Variants in HEATR4 observed in about 807,000 individuals in gnomAD.
HEATR4 encodes HEAT repeat-containing protein 4.
A neutral mutation model predicts 108.8 loss-of-function variants in HEATR4; 95 were observed. The observed-to-expected ratio is 0.87, with a 90% CI of 0.74 to 1.04. The LOEUF (loss-of-function observed/expected upper bound fraction) is 1.04, where lower values mean the gene tolerates loss of function less well. Ranked by LOEUF, HEATR4 falls within the 50% of genes least tolerant of loss-of-function variation. The pLI, the probability that HEATR4 is intolerant of heterozygous loss-of-function variation, is 0.00. For missense variants in HEATR4, 1,152 were observed against 1,253.8 expected, an observed-to-expected ratio of 0.92 and a Z score of 1.23; for synonymous variants, 443 against 459.4, an observed-to-expected ratio of 0.96 and a Z score of 0.46.
chr14:73,513,083 C>T (rs1231774807), intron 6 of HEATR4, among the ~76,000 whole-genome samples: 2 of 152,210 alleles, frequency 1.3e-5, no homozygotes, highest in African/African-American at 2.4e-5. Context: ...CCATAGTCAA[C>T]TATGACATGG....
the HEATR4 span, among the ~76,000 whole-genome samples, chr14:73,597,362 G>T: frequency 6.6e-6 from 1 of 151,972 alleles, no homozygotes; most frequent in Non-Finnish European, 1.5e-5. Context: ...GGGATTACAG[G>T]CGTGAGCCAC....
chr14:73,492,181 G>A lies in HEATR4; in HGVS notation c.2844+885C>T. 6.2e-7 allele frequency: 1 copy of A among 1,613,990 alleles called. No homozygotes were observed. Among genetic ancestry groups the A allele is most frequent in the Non-Finnish European group, 8.5e-7 (1 of 1,179,888 alleles). Reference sequence around the variant, plus strand: ...ACGACCTCGGTGAGCCGGTGCTGCAGACCGTGCTGGAACCTGGAGATTTGC... The same window carrying A: ...ACGACCTCGGTGAGCCGGTGCTGCAAACCGTGCTGGAACCTGGAGATTTGC... On this transcript the variant is annotated intron_variant, in intron 17 of 17. Coordinates refer to ENST00000553558, the MANE Select transcript of HEATR4 (RefSeq NM_001220484.1). This position sits in a 1 kb window ranked among gnomAD's most constrained non-coding sequence, Gnocchi z 4.9.
At chr14:73,563,890 G>A (rs1369478770), upstream of HEATR4, among the ~76,000 whole-genome samples, 9 of 151,966 alleles carry the variant, frequency 5.9e-5, no homozygotes, top group African/African-American at 2.2e-4. Context: ...AGGGTCACTT[G>A]TTTGGGAAGA....
At position 73,499,141 on chromosome 14, in the gene HEATR4, C is replaced by G; in HGVS notation, c.2287-1G>C. ...TCAGGTTCAGGAGGCATTCAAGCAC[C>G]TGGGATGGAAAAGGCAGTGTTGAGT... On this transcript the variant is annotated splice_acceptor_variant, in intron 12 of 17. Coordinates refer to ENST00000553558, the MANE Select transcript of HEATR4 (RefSeq NM_001220484.1). LOFTEE classifies it high-confidence loss of function. 6.2e-7 allele frequency: 1 copy of G among 1,614,040 alleles called. No individual in the cohort carries two copies. The highest frequency in any genetic ancestry group is 8.5e-7 in the Non-Finnish European group (1 of 1,179,928).
intron 17 of HEATR4, among the ~76,000 whole-genome samples, chr14:73,481,194 T>C (rs908594546): frequency 3.3e-5 from 5 of 152,046 alleles, no homozygotes; most frequent in Non-Finnish European, 7.4e-5. Context: ...ATCCCAGCAA[T>C]TTGGGAGGCC....
chr14:73,593,625 G>A, the HEATR4 span: 7 of 1,394,918 alleles, frequency 5.0e-6, 1 homozygote, highest in Middle Eastern at 2.6e-4. Context: ...TTACAAGCAT[G>A]AACCACAGTG....
the HEATR4 span, among the ~76,000 whole-genome samples, chr14:73,625,280 G>A: frequency 3.3e-5 from 5 of 151,950 alleles, no homozygotes; most frequent in African/African-American, 9.7e-5. Flanking sequence ...GGGTGGTCTC[G>A]ATCTCTTGAC....
At chr14:73,483,562 AAAAT>A (rs1414573150) in intron 17 of HEATR4, among the ~76,000 whole-genome samples, 1 of 152,216 alleles carries the variant, frequency 6.6e-6, no homozygotes, top group Non-Finnish European at 1.5e-5. Context: ...GTGATGATGA[AAAAT>A]AAATACTTTC....
intron 10 of HEATR4, among the ~76,000 whole-genome samples, chr14:73,503,775 T>G (rs968389322): frequency 6.6e-6 from 1 of 152,212 alleles, no homozygotes; most frequent in Non-Finnish European, 1.5e-5. Flanking sequence ...GACTTATCCC[T>G]GCACCCCCAG....
At chr14:73,543,302 C>T in intron 1 of HEATR4, 3 of 1,571,692 alleles carry the variant, frequency 1.9e-6, no homozygotes, top group Non-Finnish European at 2.6e-6. Flanking sequence ...AGGACCTGAC[C>T]AGAAGAGCTT....
intron 17 of HEATR4, among the ~76,000 whole-genome samples, chr14:73,479,330 G>T (rs1223598531): frequency 2.0e-5 from 3 of 152,034 alleles, no homozygotes; most frequent in Non-Finnish European, 2.9e-5. Flanking sequence ...TTAGCCAGGA[G>T]GGTCTCAATC....
intron 17 of HEATR4, chr14:73,491,616 G>A (rs1885749451): frequency 6.5e-7 from 1 of 1,547,542 alleles, no homozygotes; most frequent in Non-Finnish European, 8.7e-7. Context: ...AGCAGCCGGC[G>A]GCGAGCGGCC....
At chr14:73,521,958 C>T (rs1295319775) in intron 3 of HEATR4, among the ~76,000 whole-genome samples, 5 of 152,222 alleles carry the variant, frequency 3.3e-5, no homozygotes, top group Non-Finnish European at 7.3e-5. Flanking sequence ...CTCTTGGAGA[C>T]ATCTGGCAGT....
intron 2 of HEATR4, among the ~76,000 whole-genome samples, chr14:73,529,675 C>T (rs1888586902): frequency 6.6e-6 from 1 of 152,184 alleles, no homozygotes; most frequent in South Asian, 2.1e-4. Context: ...CAGTCGCTTA[C>T]CCTCACCCTC....
At chr14:73,562,826 T>G (rs1262497247), upstream of HEATR4, among the ~76,000 whole-genome samples, 3 of 151,950 alleles carry the variant, frequency 2.0e-5, no homozygotes, top group Non-Finnish European at 4.4e-5. Flanking sequence ...CCAACCCCGT[T>G]TTCTGTTGTT....
the HEATR4 span, among the ~76,000 whole-genome samples, chr14:73,576,880 C>A: frequency 3.9e-5 from 5 of 129,124 alleles, no homozygotes; most frequent in African/African-American, 1.2e-4. Context: ...TTTTTTTAAA[C>A]CTTAGTTGTA....
At chr14:73,564,212 C>T in the HEATR4 span, among the ~76,000 whole-genome samples, 21 of 151,286 alleles carry the variant, frequency 1.4e-4, no homozygotes, top group South Asian at 2.3e-3. Flanking sequence ...GCAGGTGAAT[C>T]GCTGGAACCC....
chr14:73,512,210 C>CA (rs1331859803), intron 6 of HEATR4, 61 bp from the exon 7 acceptor site: 1 of 1,582,712 alleles, frequency 6.3e-7, no homozygotes, highest in Non-Finnish European at 8.6e-7. Flanking sequence ...TATTGTGCTG[C>CA]AGGCAGGTGA....
chr14:73,503,345 A>T (rs751872978), intron 10 of HEATR4, among the ~76,000 whole-genome samples: 3 of 152,200 alleles, frequency 2.0e-5, no homozygotes, highest in Non-Finnish European at 4.4e-5. Flanking sequence ...TTAAAATTTG[A>T]AAGTGATACT....
Sources: gnomAD v4.1 joint callset for allele counts (sites outside exome capture counted in the v4.1 genomes callset) on GRCh38, gnomAD v4.1.1 for gene constraint, Gnocchi (gnomAD v3.1) non-coding constraint, MANE v1.5 for transcripts, NCBI Gene and HGNC (gene_info 2026-07-23, HGNC 2026-07-21) for gene names.